AGO1: variants seen among roughly 807,000 people sequenced by gnomAD.
AGO1 encodes the protein argonaute RISC component 1, also known as protein argonaute-1.
In AGO1, 11 loss-of-function variants were observed where a neutral mutation model predicts 109.2. The ratio of observed to expected loss-of-function variants is 0.10; its 90% CI spans 0.06 to 0.17. The LOEUF is 0.17. Ranked by LOEUF, AGO1 falls within the 10% of genes least tolerant of loss-of-function variation. AGO1 has a pLI of 1.00. For synonymous variants in AGO1, 422 were observed against 418.6 expected (o/e 1.01, Z -0.10); for missense variants, 574 against 1,140.3 (o/e 0.50, Z 7.15).
intron 8 of AGO1, among the ~76,000 whole-genome samples, chr1:35,897,585 G>A (rs955146764): frequency 1.1e-4 from 17 of 152,090 alleles, no homozygotes; most frequent in Non-Finnish European, 5.9e-5. Flanking sequence ...CACTTTGGGA[G>A]GTCAAGGCAG....
rs746534916 is a variant in AGO1, at chr1:35,915,396, C to A, written c.1882C>A (p.Arg628=). ...AHPSRYCATV[R]VQRPRQEIIE... ...CCCCAGCCGATACTGTGCTACTGTG[C>A]GGGTACAGCGACCACGGCAAGAGAT... The change falls in exon 15 of 19, where the codon CGG becomes AGG. Residue 628 remains arginine (R), a synonymous_variant. Transcript: ENST00000373204. 1.2e-6 allele frequency: 2 copies of A among 1,614,024 alleles called. No homozygotes were observed. Among genetic ancestry groups the A allele is most frequent in the Non-Finnish European group, 8.5e-7 (1 of 1,180,012 alleles).
At chr1:35,879,322 C>T (rs960536006), upstream of AGO1, among the ~76,000 whole-genome samples, 2 of 151,952 alleles carry the variant, frequency 1.3e-5, no homozygotes, top group Non-Finnish European at 2.9e-5. Context: ...GTGGTGCATG[C>T]CTGCAATCCC....
chr1:35,908,787 C>A (rs932055575), intron 12 of AGO1, among the ~76,000 whole-genome samples: 10 of 151,510 alleles, frequency 6.6e-5, no homozygotes, highest in African/African-American at 1.7e-4. Flanking sequence ...TGCTCTTGAT[C>A]CACACTTCTC....
At chr1:35,916,832 A>G (rs779292097) in intron 15 of AGO1, among the ~76,000 whole-genome samples, 1 of 152,228 alleles carries the variant, frequency 6.6e-6, no homozygotes, top group Admixed American at 6.5e-5. Flanking sequence ...TAGGTTTTCT[A>G]TGCTTTTACT....
upstream of AGO1, among the ~76,000 whole-genome samples, chr1:35,879,417 C>T (rs144799961): frequency 7.3e-3 from 1,103 of 151,364 alleles, 17 homozygotes; most frequent in African/African-American, 0.026. Context: ...CATTGCACTC[C>T]AGCCTGGGCA....
chr1:35,924,447 A>G lies in AGO1; in HGVS notation c.*4840A>G, dbSNP rs1267273030. 6.6e-6 allele frequency: 1 copy of G among 152,312 alleles called. No homozygotes were observed. The highest frequency in any genetic ancestry group is 1.5e-5 in the Non-Finnish European group (1 of 68,064). 9.4% of individuals were successfully genotyped at this position (152,312 alleles called of 1,614,324 possible). On this transcript the variant is annotated 3_prime_UTR_variant, in exon 19 of 19. Coordinates refer to ENST00000373204, the MANE Select transcript of AGO1 (RefSeq NM_012199.5). ...TTCATTTATTCTTCATTCAACAAAC[A>G]TGCAAAGCACTGTGCCAGCAGTATT...
intron 1 of AGO1, among the ~76,000 whole-genome samples, chr1:35,876,897 C>T (rs1294066231): frequency 6.6e-6 from 1 of 152,208 alleles, no homozygotes; most frequent in Non-Finnish European, 1.5e-5. Flanking sequence ...AAGTGATCCT[C>T]CTGCCTCAGC....
At chr1:35,890,602 G>T (rs886857153) in intron 2 of AGO1, among the ~76,000 whole-genome samples, 2 of 152,088 alleles carry the variant, frequency 1.3e-5, no homozygotes, top group Non-Finnish European at 2.9e-5. Context: ...AAATGAAACT[G>T]TTGAATATTA....
At position 35,926,516 on chromosome 1, in the gene AGO1, A is replaced by G. The variant is rs1237268495; in HGVS notation, c.*6909A>G. ...GCAATTAGGATTTGGTGGCTAAACG[A>G]AAGAGTTAGTGCAAGGAAAAGCCTA... On this transcript the variant is annotated 3_prime_UTR_variant, in exon 19 of 19. Coordinates refer to ENST00000373204, the MANE Select transcript of AGO1 (RefSeq NM_012199.5). 6.6e-6 allele frequency: 1 copy of G among 152,164 alleles called. No individual in the cohort carries two copies. The highest frequency in any genetic ancestry group is 2.4e-5 in the African/African-American group (1 of 41,426). The allele number at this position is 152,164 out of a possible 1,614,324, so 9.4% of individuals were successfully genotyped here.
chr1:35,919,303 C>T lies in AGO1; in HGVS notation c.2465+49C>T, dbSNP rs1645790867. On this transcript the variant is annotated intron_variant, in intron 18 of 18. Transcript: ENST00000373204. This position sits in a 1 kb window ranked among gnomAD's most constrained non-coding sequence, Gnocchi z 6.6. ...CTCCTTTTTGCTTCAGCCTATTGTG[C>T]CAGATCTTCTTAACTTTCCTTGGGT... The T allele has an allele frequency of 6.4e-7, 1 of 1,573,248 alleles. No individual in the cohort carries two copies. Among genetic ancestry groups the T allele is most frequent in the Non-Finnish European group, 8.6e-7 (1 of 1,156,614 alleles).
chr1:35,917,180 C>T (rs560908054), intron 15 of AGO1, among the ~76,000 whole-genome samples: 1 of 152,318 alleles, frequency 6.6e-6, no homozygotes, highest in South Asian at 2.1e-4. Context: ...TATATGTCTG[C>T]TCTTCTCTGG....
rs557539448 is a variant in AGO1, at chr1:35,922,440, C to A, written c.*2833C>A. The A allele has an allele frequency of 6.6e-6, 1 of 152,434 alleles. No homozygotes were observed. Among genetic ancestry groups the A allele is most frequent in the Admixed American group, 6.5e-5 (1 of 15,304 alleles). 9.4% of individuals were successfully genotyped at this position (152,434 alleles called of 1,614,324 possible). A position where few individuals can be genotyped will look rare whatever the true frequency, so the allele number is the denominator to read the frequency against. On this transcript the variant is annotated 3_prime_UTR_variant, in exon 19 of 19. Coordinates refer to ENST00000373204, the MANE Select transcript of AGO1 (RefSeq NM_012199.5). ...GATTTGGTTTAAGTGGTGCTTCTTA[C>A]CCAAGCTTCAAGGAAGTGCTTGGGG... is the stretch of plus-strand genomic sequence containing the variant.
At chr1:35,885,210 G>C (rs952854329) in intron 1 of AGO1, among the ~76,000 whole-genome samples, 1 of 152,118 alleles carries the variant, frequency 6.6e-6, no homozygotes, top group Non-Finnish European at 1.5e-5. Context: ...CAAGGCTGGG[G>C]ACTATTTCCA....
At chr1:35,917,760 C>T (rs903711430) in intron 16 of AGO1, 33 bp downstream of exon 16, 2 of 1,602,998 alleles carry the variant, frequency 1.2e-6, no homozygotes, top group Non-Finnish European at 1.7e-6. Context: ...CCATCCCCTC[C>T]TTCTGTCTCC....
chr1:35,879,778 G>T (rs970301785), upstream of AGO1, among the ~76,000 whole-genome samples: 3 of 145,738 alleles, frequency 2.1e-5, no homozygotes, highest in Admixed American at 7.1e-5. Flanking sequence ...ATGCTATCTG[G>T]ATTTCCATTT....
upstream of AGO1, among the ~76,000 whole-genome samples, chr1:35,880,309 G>A (rs148414721): frequency 3.9e-4 from 60 of 152,166 alleles, no homozygotes; most frequent in African/African-American, 1.4e-3. Flanking sequence ...AGAGTCTTTG[G>A]GAGGCTGAGG....
chr1:35,922,821 T>G lies in AGO1; in HGVS notation c.*3214T>G, dbSNP rs1380300635. 1.3e-5 allele frequency: 2 copies of G among 152,278 alleles called. No individual in the cohort carries two copies. The highest frequency in any genetic ancestry group is 2.9e-5 in the Non-Finnish European group (2 of 68,098). 9.4% of individuals were successfully genotyped at this position (152,278 alleles called of 1,614,324 possible). ...ACTGACCTGCCCAACTTGTGTGAAG[T>G]CAGGAGGGTTTCTGGCATTTTCCAC... On this transcript the variant is annotated 3_prime_UTR_variant, in exon 19 of 19. Transcript: ENST00000373204.
chr1:35,895,319 T>G (rs1471552429), intron 8 of AGO1, 50 bp downstream of exon 8: 1 of 1,544,944 alleles, frequency 6.5e-7, no homozygotes, highest in South Asian at 1.2e-5. Flanking sequence ...TATACCTGCA[T>G]GCTGATCATC....
In AGO1 at chr1:35,930,310, G is replaced by GGGGAGGGTGGAGAAGAGA. The variant is rs1646011402; in HGVS notation, c.*10705_*10722dup. The GGGGAGGGTGGAGAAGAGA allele has an allele frequency of 6.6e-6, 1 of 152,230 alleles. No homozygotes were observed. Among genetic ancestry groups the GGGGAGGGTGGAGAAGAGA allele is most frequent in the East Asian group, 1.9e-4 (1 of 5,190 alleles). The allele number at this position is 152,230 out of a possible 1,614,324, so 9.4% of individuals were successfully genotyped here. On this transcript the variant is annotated 3_prime_UTR_variant, in exon 19 of 19. Coordinates refer to ENST00000373204, the MANE Select transcript of AGO1 (RefSeq NM_012199.5). ...AAAAAAGCTGTGGGGTAGGGCGTAA[G>GGGGAGGGTGGAGAAGAGA]GGGAGGGTGGAGAAGAGAGAGAGGG...
Sources: gnomAD v4.1 joint callset for allele counts (sites outside exome capture counted in the v4.1 genomes callset) on GRCh38, gnomAD v4.1.1 for gene constraint, Gnocchi (gnomAD v3.1) non-coding constraint, MANE v1.5 for transcripts, NCBI Gene and HGNC (gene_info 2026-07-23, HGNC 2026-07-21) for gene names.